BORCS5: variants seen among roughly 807,000 people sequenced by gnomAD.
The protein encoded by BORCS5 is BLOC-1 related complex subunit 5.
Under a neutral mutation model 22.1 loss-of-function variants are expected in BORCS5, and 17 were observed. The ratio of observed to expected loss-of-function variants is 0.77; its 90% CI spans 0.53 to 1.15. BORCS5 has a LOEUF of 1.15. Among genes scored for constraint, BORCS5 ranks in the 50% most tolerant of loss-of-function variants. BORCS5 has a pLI of 0.00. For missense variants in BORCS5, 247 were observed against 253.2 expected (o/e 0.98, Z 0.17); for synonymous variants, 117 against 99.8 (o/e 1.17, Z -1.03).
Position 12,463,427 on chromosome 12 carries a change from C to T in BORCS5, c.361-2119C>T, listed in dbSNP as rs368358018. Among the ~76,000 whole-genome samples the T allele has an allele frequency of 3.9e-5, 6 of 152,140 alleles. No homozygotes were observed. The East Asian group carries it at 5.8e-4, about 15-fold the overall frequency. On this transcript the variant is annotated intron_variant, in intron 3 of 3. Transcript: ENST00000314565. ...GTCTTCTTTAATGCAGTGCCACGTG[C>T]CAACAAAAGTCTCATAAAGCACCAG...
chr12:12,418,664 G>A (rs1942035701), intron 2 of BORCS5, among the ~76,000 whole-genome samples: 1 of 152,176 alleles, frequency 6.6e-6, no homozygotes, highest in African/African-American at 2.4e-5. Context: ...TACAGCCTGG[G>A]TAACAGCGTG....
In BORCS5 at chr12:12,434,127, A is replaced by G. The variant is rs369988325; in HGVS notation, c.203-1501A>G. 1.1e-4 allele frequency among the ~76,000 whole-genome samples: 17 copies of G among 152,112 alleles called. 1 individual carries two copies. The East Asian group carries it at 1.7e-3, about 16-fold the overall frequency. ...GCAAAACCCTGTCTCTACTAAAAAT[A>G]CAAAAACTAGCTGGCTGTGGTAACA... On this transcript the variant is annotated intron_variant, in intron 2 of 3. Coordinates refer to ENST00000314565, the MANE Select transcript of BORCS5 (RefSeq NM_058169.6).
intron 2 of BORCS5, among the ~76,000 whole-genome samples, chr12:12,362,521 G>A (rs961679969): frequency 1.3e-5 from 2 of 151,072 alleles, no homozygotes; most frequent in Non-Finnish European, 2.9e-5. Flanking sequence ...CCATTAACTC[G>A]TCATTCACAT....
chr12:12,404,866 T>C (rs1292765177), intron 2 of BORCS5, among the ~76,000 whole-genome samples: 1 of 152,052 alleles, frequency 6.6e-6, no homozygotes, highest in Non-Finnish European at 1.5e-5. Flanking sequence ...ACCTGGCTAA[T>C]TTTTTTGTAT....
At chr12:12,396,657 T>C (rs1209956661) in intron 2 of BORCS5, among the ~76,000 whole-genome samples, 1 of 152,174 alleles carries the variant, frequency 6.6e-6, no homozygotes, top group African/African-American at 2.4e-5. Flanking sequence ...TATAAATCTT[T>C]ATGTTATTTT....
chr12:12,415,233 C>T (rs1443276436), intron 2 of BORCS5, among the ~76,000 whole-genome samples: 15 of 151,064 alleles, frequency 9.9e-5, no homozygotes, highest in East Asian at 1.9e-4. Flanking sequence ...GCCGAGATCA[C>T]GCCACTGCAC....
At chr12:12,373,472 G>A (rs971153051) in intron 2 of BORCS5, among the ~76,000 whole-genome samples, 3 of 152,036 alleles carry the variant, frequency 2.0e-5, no homozygotes, top group African/African-American at 7.3e-5. Flanking sequence ...ATACAGTATC[G>A]GAAATGAGTG....
In BORCS5 at chr12:12,468,265, A is replaced by G. The variant is rs1469322304; in HGVS notation, c.*2489A>G. 1.3e-5 allele frequency: 2 copies of G among 152,164 alleles called. No homozygotes were observed. The highest frequency in any genetic ancestry group is 2.9e-5 in the Non-Finnish European group (2 of 68,052). The allele number at this position is 152,164 out of a possible 1,614,324, so 9.4% of individuals were successfully genotyped here. A position where few individuals can be genotyped will look rare whatever the true frequency, so the allele number is the denominator to read the frequency against. On this transcript the variant is annotated 3_prime_UTR_variant, in exon 4 of 4. Coordinates refer to ENST00000314565, the MANE Select transcript of BORCS5 (RefSeq NM_058169.6). Reference sequence around the variant, plus strand: ...TGGAACCTCTGACTGGTAACATGGCATTACCAGTCCTTTCCCTCTCATGTT... The same window carrying G: ...TGGAACCTCTGACTGGTAACATGGCGTTACCAGTCCTTTCCCTCTCATGTT...
At chr12:12,453,119 G>GTAA (rs1479885048) in intron 3 of BORCS5, among the ~76,000 whole-genome samples, 1 of 152,212 alleles carries the variant, frequency 6.6e-6, no homozygotes, top group Non-Finnish European at 1.5e-5. Flanking sequence ...GCAAAAAATG[G>GTAA]TAAGTATGTG....
chr12:12,365,213 G>C (rs1293124334), intron 2 of BORCS5, among the ~76,000 whole-genome samples: 2 of 152,062 alleles, frequency 1.3e-5, no homozygotes. Flanking sequence ...CGGGGATTTG[G>C]TTAAGGAAGG....
intron 2 of BORCS5, among the ~76,000 whole-genome samples, chr12:12,388,114 C>T (rs970877181): frequency 6.6e-6 from 1 of 151,310 alleles, no homozygotes; most frequent in African/African-American, 2.4e-5. Flanking sequence ...TTAATTGAGA[C>T]TCTTTTTGGT....
intron 3 of BORCS5, among the ~76,000 whole-genome samples, chr12:12,464,458 G>A (rs958136050): frequency 6.6e-6 from 1 of 152,186 alleles, no homozygotes; most frequent in Non-Finnish European, 1.5e-5. Context: ...CTGGTACCGG[G>A]TGTTGAGCCC....
At chr12:12,428,578 A>G (rs1942346603) in intron 2 of BORCS5, among the ~76,000 whole-genome samples, 1 of 152,178 alleles carries the variant, frequency 6.6e-6, no homozygotes, top group African/African-American at 2.4e-5. Context: ...CTAAAGAAGA[A>G]GTAGAAAACT....
At chr12:12,408,576 C>T (rs781130274) in intron 2 of BORCS5, among the ~76,000 whole-genome samples, 1 of 152,216 alleles carries the variant, frequency 6.6e-6, no homozygotes, top group Non-Finnish European at 1.5e-5. Flanking sequence ...CCTCCCAGCC[C>T]TGGTAACCAC....
intron 2 of BORCS5, among the ~76,000 whole-genome samples, chr12:12,393,594 AC>A (rs1184926286): frequency 6.6e-6 from 1 of 150,914 alleles, no homozygotes. Flanking sequence ...ATCTTGGCTC[AC>A]TGCAACCTCT....
intron 3 of BORCS5, among the ~76,000 whole-genome samples, chr12:12,437,338 C>T (rs1942576685): frequency 6.6e-6 from 1 of 152,210 alleles, no homozygotes; most frequent in African/African-American, 2.4e-5. Context: ...TGATGCCTCC[C>T]CAGCCATGTG....
intron 2 of BORCS5, among the ~76,000 whole-genome samples, chr12:12,405,057 C>A (rs968766202): frequency 2.0e-5 from 3 of 152,102 alleles, no homozygotes; most frequent in Non-Finnish European, 4.4e-5. Flanking sequence ...CCCTTAAGGA[C>A]CTTACTGAGT....
intron 3 of BORCS5, among the ~76,000 whole-genome samples, chr12:12,456,346 G>T (rs762811824): frequency 2.0e-5 from 3 of 152,208 alleles, no homozygotes; most frequent in Non-Finnish European, 2.9e-5. Context: ...TGGGAGGATT[G>T]CTCGGACCCA....
intron 2 of BORCS5, among the ~76,000 whole-genome samples, chr12:12,375,580 C>T (rs1025668281): frequency 1.6e-4 from 25 of 152,280 alleles, no homozygotes; most frequent in African/African-American, 4.8e-4. Flanking sequence ...AGTCATACCA[C>T]GGCACTCCAG....
Sources: allele counts gnomAD v4.1 joint callset (sites outside exome capture counted in the v4.1 genomes callset), GRCh38; gene constraint gnomAD v4.1.1; transcripts MANE v1.5; gene names NCBI Gene and HGNC (gene_info 2026-07-23, HGNC 2026-07-21).